NAP1L1: variants seen among roughly 807,000 people sequenced by gnomAD.
NAP1L1 encodes nucleosome assembly protein 1-like 1.
Under a neutral mutation model 58.9 loss-of-function variants are expected in NAP1L1, and 9 were observed. The ratio of observed to expected loss-of-function variants is 0.15; its 90% CI spans 0.09 to 0.27. The LOEUF is 0.27. NAP1L1 is among the 10% of genes least tolerant of loss of function. The probability of loss-of-function intolerance (pLI) is 1.00; values close to 1 mark genes in which losing one functional copy is unlikely to be tolerated. For synonymous variants in NAP1L1, 130 were observed against 138.3 expected (o/e 0.94, Z 0.42); for missense variants, 302 against 458.8 (o/e 0.66, Z 3.12).
At chr12:76,061,273 C>A (rs1435999098) in intron 4 of NAP1L1, among the ~76,000 whole-genome samples, 1 of 152,162 alleles carries the variant, frequency 6.6e-6, no homozygotes, top group Non-Finnish European at 1.5e-5. Flanking sequence ...TGCTCCTCTC[C>A]CTCCTCCCAC....
chr12:76,084,315 A>T (rs1233773955), intron 1 of NAP1L1, among the ~76,000 whole-genome samples: 1 of 152,100 alleles, frequency 6.6e-6, no homozygotes, highest in Non-Finnish European at 1.5e-5. Context: ...TTAGGCCTCC[A>T]GGCCGCGCCA....
At chr12:76,064,657 C>T (rs1262661816) in intron 4 of NAP1L1, among the ~76,000 whole-genome samples, 1 of 151,846 alleles carries the variant, frequency 6.6e-6, no homozygotes, top group African/African-American at 2.4e-5. Flanking sequence ...AATTAAGATG[C>T]AAAATACAGA....
chr12:76,053,474 T>C (rs1948934994), intron 9 of NAP1L1, 124 bp from the exon 10 acceptor site: 10 of 1,187,652 alleles, frequency 8.4e-6, no homozygotes, highest in Non-Finnish European at 1.2e-5. Flanking sequence ...ATGTTTTCTA[T>C]AGCAGTATAA....
chr12:76,083,494 A>C (rs985986929), intron 1 of NAP1L1, among the ~76,000 whole-genome samples: 3 of 150,674 alleles, frequency 2.0e-5, no homozygotes, highest in Non-Finnish European at 3.0e-5. Context: ...AAAAAAAAAA[A>C]ACCTCATGAA....
At chr12:76,070,670 C>G (rs1356261248) in intron 2 of NAP1L1, among the ~76,000 whole-genome samples, 1 of 152,140 alleles carries the variant, frequency 6.6e-6, no homozygotes, top group African/African-American at 2.4e-5. Flanking sequence ...CACACTACAT[C>G]AGCAGAGTTG....
rs1948544012 is a variant in NAP1L1 at position 76,040,708 on chromosome 12, C to T, written c.*7721G>A. ...CTGAGTAGCTTGGACTACAGGCACA[C>T]ACCACTACCACCTACAGCTAAGTTT... On this transcript the variant is annotated 3_prime_UTR_variant, in exon 15 of 15. Transcript: ENST00000618691. 6.6e-6 allele frequency: 1 copy of T among 152,104 alleles called. No individual in the cohort carries two copies. Among genetic ancestry groups the T allele is most frequent in the East Asian group, 1.9e-4 (1 of 5,176 alleles). The allele number at this position is 152,104 out of a possible 1,614,324, so 9.4% of individuals were successfully genotyped here.
intron 6 of NAP1L1, among the ~76,000 whole-genome samples, chr12:76,058,721 G>A (rs1181269972): frequency 1.3e-5 from 2 of 151,980 alleles, no homozygotes; most frequent in East Asian, 1.9e-4. Flanking sequence ...TGAAAAACCC[G>A]GTAGACTTTG....
chr12:76,048,684 A>G (rs1024509101), intron 14 of NAP1L1, among the ~76,000 whole-genome samples: 23 of 152,100 alleles, frequency 1.5e-4, no homozygotes, highest in African/African-American at 5.5e-4. Context: ...AATGTGACAC[A>G]CGCTAAACCA....
At chr12:76,078,126 G>A (rs1436824056) in intron 1 of NAP1L1, among the ~76,000 whole-genome samples, 4 of 152,002 alleles carry the variant, frequency 2.6e-5, no homozygotes, top group African/African-American at 9.7e-5. Context: ...AACAGGAGCA[G>A]AAGGAAGGCA....
chr12:76,080,310 C>T (rs150741653), intron 1 of NAP1L1, among the ~76,000 whole-genome samples: 83 of 152,284 alleles, frequency 5.5e-4, no homozygotes, highest in African/African-American at 1.9e-3. Flanking sequence ...ATTTACAGTA[C>T]ATAATACTTG....
intron 8 of NAP1L1, among the ~76,000 whole-genome samples, chr12:76,054,356 T>C (rs1296252850): frequency 6.6e-6 from 1 of 152,142 alleles, no homozygotes; most frequent in Non-Finnish European, 1.5e-5. Flanking sequence ...TGGGACAGAC[T>C]GTCAGATGAG....
chr12:76,074,768 T>C lies in NAP1L1; in HGVS notation c.-20-529A>G, dbSNP rs556376536. On this transcript the variant is annotated intron_variant, in intron 1 of 14. Transcript: ENST00000618691. The stretch of plus-strand genomic sequence containing the variant: ...CCTCTGGATATCTTTTTAAAAGACT[T>C]AATCCCTGGATCAAATAGCCATTTA... Among the ~76,000 whole-genome samples, 20 of 152,344 alleles carry C rather than the reference T, an allele frequency of 1.3e-4. No homozygotes were observed. The South Asian group carries it at 3.5e-3, about 27-fold the overall frequency.
In NAP1L1 at chr12:76,037,662, T is replaced by C. The variant is rs1482274025; in HGVS notation, c.*10767A>G. ...CTTGAGCGAGTGCCAGTCATACATC[T>C]CCTTGTCCTCGCAGCCTCCAATTTA... On this transcript the variant is annotated 3_prime_UTR_variant, in exon 15 of 15. Coordinates refer to ENST00000618691, the MANE Select transcript of NAP1L1 (RefSeq NM_004537.7). The C allele has an allele frequency of 6.6e-6, 1 of 152,256 alleles. No homozygotes were observed. Among genetic ancestry groups the C allele is most frequent in the Non-Finnish European group, 1.5e-5 (1 of 68,064 alleles). The allele number at this position is 152,256 out of a possible 1,614,324, so 9.4% of individuals were successfully genotyped here.
At chr12:76,067,048 A>G (rs1949711382) in intron 4 of NAP1L1, among the ~76,000 whole-genome samples, 1 of 152,136 alleles carries the variant, frequency 6.6e-6, no homozygotes, top group Non-Finnish European at 1.5e-5. Context: ...TCATGCTATT[A>G]ATAATGATTT....
Position 76,043,828 on chromosome 12 carries a change from T to C in NAP1L1, c.*4601A>G, listed in dbSNP as rs1468368587. 1 of 152,166 alleles carries C rather than the reference T, an allele frequency of 6.6e-6. No individual in the cohort carries two copies. The highest frequency in any genetic ancestry group is 1.5e-5 in the Non-Finnish European group (1 of 68,042). 9.4% of individuals were successfully genotyped at this position (152,166 alleles called of 1,614,324 possible). On this transcript the variant is annotated 3_prime_UTR_variant, in exon 15 of 15. Transcript: ENST00000618691. ...TTTGAGCCTTCTGGTAGCAACTATT[T>C]TACAACCTCATGAAATTTACCAGAG...
Position 76,042,121 on chromosome 12 carries a change from C to A in NAP1L1, c.*6308G>T, listed in dbSNP as rs1029533123. 6.6e-6 allele frequency: 1 copy of A among 152,002 alleles called. No homozygotes were observed. The highest frequency in any genetic ancestry group is 2.4e-5 in the African/African-American group (1 of 41,368). 9.4% of individuals were successfully genotyped at this position (152,002 alleles called of 1,614,324 possible). ...CATATGTTTAATTTTATTATCCAGT[C>A]TTAGTCTCAGTGTTCTTATGTACAC... On this transcript the variant is annotated 3_prime_UTR_variant, in exon 15 of 15. Transcript: ENST00000618691.
At position 76,049,804 on chromosome 12, in the gene NAP1L1, G is replaced by C. The variant is rs150828590; in HGVS notation, c.1060-19C>G. 2.7e-4 allele frequency: 439 copies of C among 1,612,192 alleles called. 2 individuals carry two copies. In the East Asian group the frequency reaches 9.2e-3, roughly 34 times the overall value. On this transcript the variant is annotated intron_variant, in intron 12 of 14. Transcript: ENST00000618691. ...CATCATACTGAAAAGGAAAAACAGC[G>C]TTAAGTGTTGAGTGAATGTAACACA...
intron 2 of NAP1L1, among the ~76,000 whole-genome samples, chr12:76,070,150 G>A (rs997398413): frequency 6.6e-6 from 1 of 150,446 alleles, no homozygotes; most frequent in African/African-American, 2.5e-5. Flanking sequence ...ACAGTGTCTT[G>A]CTCTGTCACC....
At chr12:76,064,961 T>C (rs1283169361) in intron 4 of NAP1L1, among the ~76,000 whole-genome samples, 1 of 152,142 alleles carries the variant, frequency 6.6e-6, no homozygotes, top group African/African-American at 2.4e-5. Context: ...CCTTAGGCAA[T>C]TGAAATCTTG....
Sources: allele counts gnomAD v4.1 joint callset (sites outside exome capture counted in the v4.1 genomes callset), GRCh38; gene constraint gnomAD v4.1.1; transcripts MANE v1.5; gene names NCBI Gene and HGNC (gene_info 2026-07-23, HGNC 2026-07-21).